KIAA1958: variants seen among roughly 807,000 people sequenced by gnomAD.
KIAA1958 encodes the protein KIAA1958.
In KIAA1958, 14 loss-of-function variants were observed where a neutral mutation model predicts 47.2. The ratio of observed to expected loss-of-function variants is 0.30; its 90% CI spans 0.20 to 0.46. KIAA1958 has a LOEUF of 0.46. Among genes scored for constraint, KIAA1958 ranks in the 20% least tolerant of loss-of-function variants. KIAA1958 has a pLI of 1.00. For synonymous variants in KIAA1958, 354 were observed against 353.3 expected (o/e 1.00, Z -0.02); for missense variants, 803 against 909.2 (o/e 0.88, Z 1.50).
chr9:112,588,836 C>CT (rs1230521526), intron 2 of KIAA1958, among the ~76,000 whole-genome samples: 1 of 152,062 alleles, frequency 6.6e-6, no homozygotes, highest in Non-Finnish European at 1.5e-5. Flanking sequence ...ATGTTTCTTC[C>CT]TTTTTCCCCC....
chr9:112,608,167 A>T (rs1057382819), intron 2 of KIAA1958, among the ~76,000 whole-genome samples: 2 of 152,232 alleles, frequency 1.3e-5, no homozygotes, highest in Non-Finnish European at 1.5e-5. Flanking sequence ...CTAAATATTT[A>T]TGGTAATTAT....
At chr9:112,658,775 CT>C (rs1564204490) in intron 3 of KIAA1958, among the ~76,000 whole-genome samples, 22 of 151,892 alleles carry the variant, frequency 1.4e-4, no homozygotes, top group Admixed American at 9.2e-4. Context: ...CTGGCTAACA[CT>C]GTGAAACCCC....
chr9:112,587,047 C>G (rs1159763573), intron 2 of KIAA1958, among the ~76,000 whole-genome samples: 3 of 152,218 alleles, frequency 2.0e-5, no homozygotes, highest in Admixed American at 1.3e-4. Flanking sequence ...TGATCCGCTT[C>G]ATTTTAGGTC....
intron 1 of KIAA1958, among the ~76,000 whole-genome samples, chr9:112,565,357 G>C (rs1361595683): frequency 6.6e-6 from 1 of 152,106 alleles, no homozygotes; most frequent in Non-Finnish European, 1.5e-5. Flanking sequence ...TCCTTCTTTG[G>C]CCTCCCAAAG....
intron 2 of KIAA1958, among the ~76,000 whole-genome samples, chr9:112,640,748 C>T (rs1836877063): frequency 6.6e-6 from 1 of 152,104 alleles, no homozygotes; most frequent in Non-Finnish European, 1.5e-5. Flanking sequence ...TGATTGTGTT[C>T]CAGTGAATTT....
chr9:112,508,861 A>G (rs150377389), intron 1 of KIAA1958, among the ~76,000 whole-genome samples: 88 of 152,278 alleles, frequency 5.8e-4, no homozygotes, highest in African/African-American at 1.9e-3. Flanking sequence ...TAGTTAAACT[A>G]TGTGGTTCAA....
At position 112,492,802 on chromosome 9, in the gene KIAA1958, C is replaced by T. The variant is rs147147168; in HGVS notation, c.-25+5684C>T. Among the ~76,000 whole-genome samples the T allele has an allele frequency of 2.0e-4, 31 of 152,136 alleles. 1 individual carries two copies. The highest frequency in any genetic ancestry group is 1.9e-3 in the East Asian group (10 of 5,190). On this transcript the variant is annotated intron_variant, in intron 1 of 3. Coordinates refer to ENST00000337530, the MANE Select transcript of KIAA1958 (RefSeq NM_133465.4). Reference sequence around the variant, plus strand: ...TCTTTTTCTGTTGCCCAGGATGGAGCGCACTAACGTGATCACAGCTCACTG... The same window carrying T: ...TCTTTTTCTGTTGCCCAGGATGGAGTGCACTAACGTGATCACAGCTCACTG...
intron 2 of KIAA1958, among the ~76,000 whole-genome samples, chr9:112,587,994 A>T (rs1835855586): frequency 6.6e-6 from 1 of 152,188 alleles, no homozygotes; most frequent in Non-Finnish European, 1.5e-5. Flanking sequence ...GCAGTAGAAG[A>T]AGTTAAAATA....
intron 2 of KIAA1958, among the ~76,000 whole-genome samples, chr9:112,605,679 C>G (rs1294117233): frequency 1.3e-5 from 2 of 152,182 alleles, no homozygotes; most frequent in African/African-American, 4.8e-5. Context: ...CATTCTTGCT[C>G]TTAGTCACTT....
At chr9:112,517,011 T>C (rs181764680) in intron 1 of KIAA1958, among the ~76,000 whole-genome samples, 1 of 152,370 alleles carries the variant, frequency 6.6e-6, no homozygotes, top group East Asian at 1.9e-4. Flanking sequence ...TTTGATTGGC[T>C]GAAACTCAGT....
intron 1 of KIAA1958, among the ~76,000 whole-genome samples, chr9:112,539,012 C>A (rs147915499): frequency 4.5e-4 from 69 of 152,310 alleles, no homozygotes; most frequent in African/African-American, 1.6e-3. Flanking sequence ...TTCACACCCA[C>A]TGGGGTGGCT....
intron 1 of KIAA1958, among the ~76,000 whole-genome samples, chr9:112,495,119 T>G (rs1291479722): frequency 6.6e-6 from 1 of 151,762 alleles, no homozygotes; most frequent in African/African-American, 2.4e-5. Context: ...TTCACTTTGT[T>G]GCCCAGGCTG....
intron 1 of KIAA1958, among the ~76,000 whole-genome samples, chr9:112,559,233 A>G (rs1835289504): frequency 6.6e-6 from 1 of 152,226 alleles, no homozygotes; most frequent in Admixed American, 6.5e-5. Context: ...TTACTGAGAT[A>G]TTAATTTGTA....
At chr9:112,605,380 T>G (rs1239065480) in intron 2 of KIAA1958, among the ~76,000 whole-genome samples, 1 of 152,144 alleles carries the variant, frequency 6.6e-6, no homozygotes, top group East Asian at 1.9e-4. Context: ...TCCCTCTGCC[T>G]CTGACCTCCT....
chr9:112,651,739 C>T (rs962302741), intron 3 of KIAA1958, among the ~76,000 whole-genome samples: 1 of 151,896 alleles, frequency 6.6e-6, no homozygotes, highest in Non-Finnish European at 1.5e-5. Context: ...CTAGAATATA[C>T]CCAATACTTG....
chr9:112,565,509 A>G (rs1220516157), intron 1 of KIAA1958, among the ~76,000 whole-genome samples: 2 of 152,200 alleles, frequency 1.3e-5, no homozygotes, highest in Non-Finnish European at 2.9e-5. Context: ...TTATTTTTTA[A>G]TTCTTGAAAA....
At chr9:112,525,932 T>C (rs1016660773) in intron 1 of KIAA1958, among the ~76,000 whole-genome samples, 5 of 4,868 alleles carry the variant, frequency 1.0e-3, no homozygotes, top group South Asian at 0.02. Flanking sequence ...TTCTTCTTCT[T>C]CTTCTTCTTC....
At chr9:112,587,918 T>G (rs1835853913) in intron 2 of KIAA1958, among the ~76,000 whole-genome samples, 1 of 152,242 alleles carries the variant, frequency 6.6e-6, no homozygotes, top group Non-Finnish European at 1.5e-5. Context: ...CTGTGAAAGA[T>G]GAGGATTTAA....
At chr9:112,651,522 G>A (rs1465685120) in intron 3 of KIAA1958, among the ~76,000 whole-genome samples, 1 of 151,612 alleles carries the variant, frequency 6.6e-6, no homozygotes, top group Non-Finnish European at 1.5e-5. Context: ...AGCCTCCCAA[G>A]TAGCTGGGAT....
Sources: allele counts gnomAD v4.1 joint callset (sites outside exome capture counted in the v4.1 genomes callset), GRCh38; gene constraint gnomAD v4.1.1; transcripts MANE v1.5; gene names NCBI Gene and HGNC (gene_info 2026-07-23, HGNC 2026-07-21).